Variants in ZNF678 observed in about 807,000 individuals in gnomAD.
ZNF678 encodes the protein hypothetical protein MGC42493.
A neutral mutation model predicts 3.0 loss-of-function variants in ZNF678; 5 were observed. The observed-to-expected ratio is 1.69, with a 90% CI of 0.88 to 3.56. The LOEUF (loss-of-function observed/expected upper bound fraction) is 3.56. Among genes scored for constraint, ZNF678 ranks in the 30% most tolerant of loss-of-function variants. The pLI is 0.00. For synonymous variants in ZNF678, 218 were observed against 199.6 expected, an observed-to-expected ratio of 1.09 and a Z score of -0.78; for missense variants, 593 against 605.0, an observed-to-expected ratio of 0.98 and a Z score of 0.21.
At chr1:227,591,274 G>GGAT (rs1395231258) in intron 1 of ZNF678, among the ~76,000 whole-genome samples, 1 of 147,560 alleles carries the variant, frequency 6.8e-6, no homozygotes, top group Non-Finnish European at 1.5e-5. Context: ...TTTCTAACGA[G>GGAT]GATTAAGGGT....
At chr1:227,585,641 C>T (rs1237009427) in intron 1 of ZNF678, among the ~76,000 whole-genome samples, 3 of 152,038 alleles carry the variant, frequency 2.0e-5, no homozygotes, top group African/African-American at 7.2e-5. Flanking sequence ...GATGTGGTGG[C>T]ACATGCCTTT....
chr1:227,598,486 T>G (rs1373194027), intron 1 of ZNF678: 13 of 1,392,388 alleles, frequency 9.3e-6, no homozygotes, highest in Non-Finnish European at 1.1e-5. Context: ...TTCTTATGCT[T>G]CTTTTTCTTT....
rs115023496 is a variant in ZNF678 at position 227,598,002 on chromosome 1, C to T, written c.-164+34278C>T. Among the ~76,000 whole-genome samples, 617 of 152,346 alleles carry T rather than the reference C, an allele frequency of 4.0e-3. 6 individuals carry two copies. The highest frequency in any genetic ancestry group is 0.014 in the African/African-American group (588 of 41,588). Reference sequence around the variant, plus strand: ...GAGGGGAAAAAATTAAAATATGCTTCTCTACAGAGTAAGGGTTTTGAAATA... The same window carrying T: ...GAGGGGAAAAAATTAAAATATGCTTTTCTACAGAGTAAGGGTTTTGAAATA... On this transcript the variant is annotated intron_variant, in intron 1 of 3. Coordinates refer to ENST00000343776, the MANE Select transcript of ZNF678 (RefSeq NM_001367909.1).
intron 1 of ZNF678, among the ~76,000 whole-genome samples, chr1:227,611,363 G>A (rs994059063): frequency 2.0e-5 from 3 of 152,130 alleles, no homozygotes; most frequent in African/African-American, 7.2e-5. Flanking sequence ...TCAATTTTGG[G>A]GGCTATATTT....
At chr1:227,571,855 A>G (rs1656852186) in intron 1 of ZNF678, among the ~76,000 whole-genome samples, 1 of 152,216 alleles carries the variant, frequency 6.6e-6, no homozygotes, top group Non-Finnish European at 1.5e-5. Flanking sequence ...ATCCTGGCTA[A>G]CATGGTGAAA....
intron 5 of ZNF678, among the ~76,000 whole-genome samples, chr1:227,673,177 T>A (rs761184940): frequency 1.3e-5 from 2 of 152,200 alleles, no homozygotes; most frequent in Non-Finnish European, 2.9e-5. Flanking sequence ...TTGGGGTTTT[T>A]GATGGAAGCA....
chr1:227,645,736 C>T (rs1265685710), intron 1 of ZNF678, among the ~76,000 whole-genome samples: 1 of 152,182 alleles, frequency 6.6e-6, no homozygotes, highest in Non-Finnish European at 1.5e-5. Context: ...CCTTCTTGAC[C>T]TATGCTATCA....
chr1:227,584,002 G>C lies in ZNF678; in HGVS notation c.-164+20278G>C, dbSNP rs574857460. On this transcript the variant is annotated intron_variant, in intron 1 of 3. Transcript: ENST00000343776. ...TCTGTTGCTGCCCAAGACCTCAAGT[G>C]AGCTAAGACAATCTTTCTTATCAGG... Among the ~76,000 whole-genome samples the C allele has an allele frequency of 1.6e-4, 24 of 152,266 alleles. No homozygotes were observed. The South Asian group carries it at 5.0e-3, about 32-fold the overall frequency.
chr1:227,582,181 A>G (rs1250260086), intron 1 of ZNF678, among the ~76,000 whole-genome samples: 2 of 152,212 alleles, frequency 1.3e-5, no homozygotes, highest in Non-Finnish European at 2.9e-5. Context: ...ACACGCACAC[A>G]CACACACACG....
intron 1 of ZNF678, among the ~76,000 whole-genome samples, chr1:227,570,775 C>T (rs79087334): frequency 1.3e-5 from 2 of 151,796 alleles, no homozygotes; most frequent in Non-Finnish European, 2.9e-5. Context: ...TTTTGTTCTC[C>T]TGTATGTTTG....
intron 5 of ZNF678, among the ~76,000 whole-genome samples, chr1:227,671,409 G>A (rs147839898): frequency 7.9e-5 from 12 of 151,972 alleles, no homozygotes; most frequent in East Asian, 3.9e-4. Context: ...ACACATTTTC[G>A]TCAGACTTAT....
chr1:227,655,293 C>A lies in ZNF678; in HGVS notation c.1043C>A (p.Pro348His), dbSNP rs745468675. The change falls in exon 4 of 4, where the codon CCC becomes CAC. Residue 348 changes from proline (P) to histidine (H), a missense_variant. Pro to His is a moderately conservative substitution (Grantham distance 77). Transcript: ENST00000343776. ...AAGAGAATTCATACTGGAGAGAAAC[C>A]CTACAAATGTGAAGAATGTGGCAGA... ...SHKRIHTGEK[P>H]YKCEECGRTF... 1 of 1,611,146 alleles carries A rather than the reference C, an allele frequency of 6.2e-7. No individual in the cohort carries two copies. Among genetic ancestry groups the A allele is most frequent in the East Asian group, 2.2e-5 (1 of 44,810 alleles).
At chr1:227,573,090 G>A (rs558404858) in intron 1 of ZNF678, among the ~76,000 whole-genome samples, 4 of 152,324 alleles carry the variant, frequency 2.6e-5, no homozygotes, top group African/African-American at 4.8e-5. Context: ...TTGTGATTCT[G>A]AACTACCCAG....
intron 1 of ZNF678, among the ~76,000 whole-genome samples, chr1:227,622,017 T>A (rs930848146): frequency 6.6e-6 from 1 of 152,234 alleles, no homozygotes; most frequent in Non-Finnish European, 1.5e-5. Context: ...TATATTTTGT[T>A]GTACATATTT....
intron 3 of ZNF678, 30 bp downstream of exon 3, chr1:227,651,106 G>C: frequency 6.2e-7 from 1 of 1,607,658 alleles, no homozygotes; most frequent in Non-Finnish European, 8.5e-7. Context: ...GGGTCTCCAG[G>C]CTGATGAGAT....
chr1:227,563,562 C>G lies in ZNF678; in HGVS notation c.-326C>G. 2 of 717,826 alleles carry G rather than the reference C, an allele frequency of 2.8e-6. No homozygotes were observed. The highest frequency in any genetic ancestry group is 1.4e-5 in the South Asian group (1 of 69,348). 44.5% of individuals were successfully genotyped at this position (717,826 alleles called of 1,614,324 possible). ...TTCCGGGATCTGGCGGGGCCTTTGT[C>G]TTGTGCTCCAGCTGGAGCTTTGGTC... On this transcript the variant is annotated 5_prime_UTR_variant, in exon 1 of 4. Transcript: ENST00000343776.
chr1:227,674,331 T>C (rs1659647265), intron 5 of ZNF678, among the ~76,000 whole-genome samples: 1 of 152,252 alleles, frequency 6.6e-6, no homozygotes, highest in Non-Finnish European at 1.5e-5. Flanking sequence ...TTTCATCTTC[T>C]CTTTGTCCCC....
intron 1 of ZNF678, among the ~76,000 whole-genome samples, chr1:227,566,357 A>G (rs904546573): frequency 6.6e-6 from 1 of 152,180 alleles, no homozygotes; most frequent in Non-Finnish European, 1.5e-5. Context: ...AAAAGACAGA[A>G]ATAATTCCTG....
intron 1 of ZNF678, among the ~76,000 whole-genome samples, chr1:227,594,004 G>A (rs981493881): frequency 3.3e-5 from 5 of 151,862 alleles, no homozygotes; most frequent in African/African-American, 7.3e-5. Context: ...CTGATTTGCC[G>A]GAAATTCTAG....
Sources: allele counts gnomAD v4.1 joint callset (sites outside exome capture counted in the v4.1 genomes callset), GRCh38; gene constraint gnomAD v4.1.1; transcripts MANE v1.5; gene names NCBI Gene and HGNC (gene_info 2026-07-23, HGNC 2026-07-21).